The following CRTC1 variants were observed in gnomAD, a reference collection of about 807,000 sequenced individuals.
CRTC1 encodes CREB-regulated transcription coactivator 1.
CRTC1 carries 18 observed loss-of-function variants against 66.1 expected under a neutral mutation model. The ratio of observed to expected loss-of-function variants is 0.27; its 90% CI spans 0.19 to 0.40. CRTC1 has a LOEUF of 0.40. CRTC1 is among the 10% of genes least tolerant of loss of function. CRTC1 has a pLI of 1.00. For synonymous variants in CRTC1, 416 were observed against 398.8 expected (o/e 1.04, Z -0.51); for missense variants, 669 against 887.9 (o/e 0.75, Z 3.13).
intron 5 of CRTC1, among the ~76,000 whole-genome samples, chr19:18,752,542 C>T (rs1400636277): frequency 2.0e-5 from 3 of 152,166 alleles, no homozygotes; most frequent in Admixed American, 6.5e-5. Flanking sequence ...CAGTCTCAAA[C>T]TCCTGAGCTC....
At chr19:18,765,119 C>G (rs1001877570) in intron 8 of CRTC1, among the ~76,000 whole-genome samples, 15 of 152,200 alleles carry the variant, frequency 9.9e-5, no homozygotes, top group Admixed American at 5.2e-4. Context: ...ACATGCCCAT[C>G]TGGGGGCCAA....
chr19:18,724,464 T>C (rs77956849), intron 1 of CRTC1, among the ~76,000 whole-genome samples: 18 of 152,140 alleles, frequency 1.2e-4, no homozygotes, highest in African/African-American at 3.9e-4. Flanking sequence ...TGCTGTAATA[T>C]ATTAAAGTAC....
At chr19:18,690,918 C>T (rs935340706) in intron 1 of CRTC1, among the ~76,000 whole-genome samples, 1 of 150,632 alleles carries the variant, frequency 6.6e-6, no homozygotes, top group Non-Finnish European at 1.5e-5. Context: ...CCCAGCTACT[C>T]GGGAGGCTGA....
chr19:18,695,860 A>G (rs1474555511), intron 1 of CRTC1, among the ~76,000 whole-genome samples: 1 of 152,082 alleles, frequency 6.6e-6, no homozygotes, highest in Admixed American at 6.6e-5. Flanking sequence ...GTGAGACTTC[A>G]TCTCAAAAAC....
rs745326269 is a variant in CRTC1, at chr19:18,683,697, G to A, written c.-6G>A. 6.4e-6 allele frequency: 9 copies of A among 1,396,632 alleles called. No individual in the cohort carries two copies. The South Asian group carries it at 6.5e-5, about 10-fold the overall frequency. 86.5% of individuals were successfully genotyped at this position (1,396,632 alleles called of 1,614,324 possible). ...AGGAGGAGGAGGAGGAGGTGGCGGC[G>A]AGAAGATGGCGACTTCGAACAATCC... On this transcript the variant is annotated 5_prime_UTR_variant, in exon 1 of 14. Transcript: ENST00000321949.
intron 1 of CRTC1, among the ~76,000 whole-genome samples, chr19:18,733,078 C>T (rs2053924812): frequency 6.6e-6 from 1 of 150,638 alleles, no homozygotes; most frequent in South Asian, 2.1e-4. Context: ...TAGGGCAAGA[C>T]CTGTCTCTTA....
rs186818642 is a variant in CRTC1, at chr19:18,778,550, G to A, written c.*1168G>A. ...GTCAGGCTGGGCAGGGCCTTGTCAG[G>A]AGCTCACGGTAGGCAGAGGTGCCTC... On this transcript the variant is annotated 3_prime_UTR_variant, in exon 14 of 14. Coordinates refer to ENST00000321949, the MANE Select transcript of CRTC1 (RefSeq NM_015321.3). The A allele has an allele frequency of 4.3e-6, 1 of 231,588 alleles. No homozygotes were observed. The highest frequency in any genetic ancestry group is 6.1e-5 in the East Asian group (1 of 16,366). The allele number at this position is 231,588 out of a possible 1,614,324, so 14.3% of individuals were successfully genotyped here.
Position 18,771,671 on chromosome 19 carries a change from C to T in CRTC1, c.1425+125C>T. ...TCATGCATGTCCTCATGCATCCCAT[C>T]CCGTCCACGCCATCGGACCTGAGCT... On this transcript the variant is annotated intron_variant, in intron 11 of 13. Coordinates refer to ENST00000321949, the MANE Select transcript of CRTC1 (RefSeq NM_015321.3). The surrounding 1 kb of genome is among the most constrained non-coding windows in gnomAD (Gnocchi z 4.6). 3 of 735,686 alleles carry T rather than the reference C, an allele frequency of 4.1e-6. No homozygotes were observed. The highest frequency in any genetic ancestry group is 4.6e-6 in the Non-Finnish European group (2 of 431,758). The allele number at this position is 735,686 out of a possible 1,614,324, so 45.6% of individuals were successfully genotyped here.
In CRTC1 at chr19:18,771,132, A is replaced by G. The variant is rs2054858220; in HGVS notation, c.1321-310A>G. ...TGCATGAGAGTGCACACGTTGCTAT[A>G]TGGCTCTGAGCCTGCTGAGTCAGGG... is the stretch of plus-strand genomic sequence containing the variant. On this transcript the variant is annotated intron_variant, in intron 10 of 13. Coordinates refer to ENST00000321949, the MANE Select transcript of CRTC1 (RefSeq NM_015321.3). The surrounding 1 kb of genome is among the most constrained non-coding windows in gnomAD (Gnocchi z 4.6). 6.6e-6 allele frequency among the ~76,000 whole-genome samples: 1 copy of G among 152,106 alleles called. No individual in the cohort carries two copies. The highest frequency in any genetic ancestry group is 6.5e-5 in the Admixed American group (1 of 15,280).
At chr19:18,705,655 C>G (rs996988861) in intron 1 of CRTC1, among the ~76,000 whole-genome samples, 2 of 152,186 alleles carry the variant, frequency 1.3e-5, no homozygotes, top group Non-Finnish European at 2.9e-5. Context: ...CCACACTGTT[C>G]TCTGTAGTGG....
In CRTC1 at chr19:18,778,091, G is replaced by A. The variant is rs1275413721; in HGVS notation, c.*709G>A. 6 of 232,868 alleles carry A rather than the reference G, an allele frequency of 2.6e-5. No individual in the cohort carries two copies. The highest frequency in any genetic ancestry group is 8.8e-5 in the African/African-American group (4 of 45,278). The allele number at this position is 232,868 out of a possible 1,614,324, so 14.4% of individuals were successfully genotyped here. On this transcript the variant is annotated 3_prime_UTR_variant, in exon 14 of 14. Coordinates refer to ENST00000321949, the MANE Select transcript of CRTC1 (RefSeq NM_015321.3). The stretch of plus-strand genomic sequence containing the variant: ...CATCCCCTCGAAGCCCTGCCTCACC[G>A]CAGGCAGGCCCATCGGTGGCCACCT...
chr19:18,742,037 A>G (rs56182405), intron 1 of CRTC1, among the ~76,000 whole-genome samples: 34,355 of 150,402 alleles, frequency 0.23, 4,140 homozygotes, highest in African/African-American at 0.31. Context: ...GCCCAGCCCC[A>G]CCTCTCCTCA....
chr19:18,696,315 G>C (rs971126437), intron 1 of CRTC1, among the ~76,000 whole-genome samples: 1 of 152,176 alleles, frequency 6.6e-6, no homozygotes, highest in Non-Finnish European at 1.5e-5. Flanking sequence ...GAGCAGGTAC[G>C]ACAGTGGGTG....
intron 1 of CRTC1, among the ~76,000 whole-genome samples, chr19:18,739,094 GC>G (rs1694391562): frequency 6.6e-6 from 1 of 152,234 alleles, no homozygotes; most frequent in Non-Finnish European, 1.5e-5. Context: ...CATCTATCTG[GC>G]CCACAGGCCA....
At chr19:18,694,047 G>A (rs941973348) in intron 1 of CRTC1, among the ~76,000 whole-genome samples, 3 of 151,236 alleles carry the variant, frequency 2.0e-5, no homozygotes, top group Admixed American at 6.6e-5. Context: ...AAGGAGAATC[G>A]CTTGAACCTG....
chr19:18,744,206 A>G (rs1438050974), intron 2 of CRTC1: 1 of 1,580,800 alleles, frequency 6.3e-7, no homozygotes, highest in Non-Finnish European at 8.6e-7. Flanking sequence ...CCAGCCTGCA[A>G]GACCCCGACC....
At chr19:18,704,953 C>T (rs2053230325) in intron 1 of CRTC1, among the ~76,000 whole-genome samples, 1 of 150,366 alleles carries the variant, frequency 6.7e-6, no homozygotes, top group Non-Finnish European at 1.5e-5. Flanking sequence ...CATTCCCTCC[C>T]AGCCCCTGGC....
chr19:18,714,839 A>T (rs1329668129), intron 1 of CRTC1, among the ~76,000 whole-genome samples: 2 of 152,064 alleles, frequency 1.3e-5, no homozygotes, highest in African/African-American at 4.8e-5. Flanking sequence ...TTGGGCCTAT[A>T]TGCTCCCTTG....
chr19:18,719,547 G>A (rs1200666964), intron 1 of CRTC1, among the ~76,000 whole-genome samples: 2 of 152,212 alleles, frequency 1.3e-5, no homozygotes, highest in Non-Finnish European at 2.9e-5. Flanking sequence ...AAGCTATTTT[G>A]GGCCCATGGT....
Sources: gnomAD v4.1 joint callset for allele counts (sites outside exome capture counted in the v4.1 genomes callset) on GRCh38, gnomAD v4.1.1 for gene constraint, Gnocchi (gnomAD v3.1) non-coding constraint, MANE v1.5 for transcripts, NCBI Gene and HGNC (gene_info 2026-07-23, HGNC 2026-07-21) for gene names.